Variants in STK32A observed in about 807,000 individuals in gnomAD.
The protein encoded by STK32A is serine/threonine-protein kinase 32A.
In STK32A, 41 loss-of-function variants were observed where a neutral mutation model predicts 53.2. That is an observed-to-expected ratio of 0.77 (90% CI 0.60 to 1.00). The LOEUF (loss-of-function observed/expected upper bound fraction) is 1.00, where lower values mean the gene tolerates loss of function less well. Ranked by LOEUF, STK32A falls within the 50% of genes least tolerant of loss-of-function variation. STK32A has a pLI of 0.00. For missense variants in STK32A, 458 were observed against 485.8 expected (o/e 0.94, Z 0.54); for synonymous variants, 166 against 162.8 (o/e 1.02, Z -0.15).
chr5:147,346,346 T>C (rs538229277), intron 6 of STK32A, among the ~76,000 whole-genome samples: 3 of 152,340 alleles, frequency 2.0e-5, no homozygotes, highest in Non-Finnish European at 4.4e-5. Context: ...GGTAACCACC[T>C]ATCTCTCTGG....
At chr5:147,351,911 G>T (rs1007880496) in intron 7 of STK32A, among the ~76,000 whole-genome samples, 1 of 152,020 alleles carries the variant, frequency 6.6e-6, no homozygotes, top group African/African-American at 2.4e-5. Context: ...GATAATAAGT[G>T]GCAAAGTATT....
chr5:147,329,745 G>A (rs1369087749), intron 5 of STK32A, among the ~76,000 whole-genome samples: 1 of 152,164 alleles, frequency 6.6e-6, no homozygotes, highest in African/African-American at 2.4e-5. Flanking sequence ...ATAAAAAGCT[G>A]TCTCCCCTCT....
At chr5:147,390,426 A>C (rs1047233135), downstream of STK32A, among the ~76,000 whole-genome samples, 11 of 151,868 alleles carry the variant, frequency 7.2e-5, no homozygotes, top group Non-Finnish European at 5.9e-5. Context: ...TATTAAAAAG[A>C]AGCAGAAAAT....
At chr5:147,301,351 T>C (rs1236369016) in intron 4 of STK32A, among the ~76,000 whole-genome samples, 1 of 152,090 alleles carries the variant, frequency 6.6e-6, no homozygotes, top group Non-Finnish European at 1.5e-5. Context: ...CTTTTCAGGG[T>C]TATTCCTGTG....
intron 4 of STK32A, among the ~76,000 whole-genome samples, chr5:147,297,888 G>T (rs201445656): frequency 6.6e-6 from 1 of 150,952 alleles, no homozygotes; most frequent in East Asian, 2.0e-4. Context: ...GCTTAGGCAG[G>T]AGAATTGCTT....
chr5:147,356,093 A>C (rs1285864186), intron 7 of STK32A, among the ~76,000 whole-genome samples: 1 of 152,178 alleles, frequency 6.6e-6, no homozygotes, highest in Non-Finnish European at 1.5e-5. Flanking sequence ...ACTATTGTTT[A>C]GATTTTACAA....
the STK32A span, among the ~76,000 whole-genome samples, chr5:147,394,477 A>G: frequency 6.6e-6 from 1 of 152,152 alleles, no homozygotes; most frequent in African/African-American, 2.4e-5. Flanking sequence ...CCATGGTTTG[A>G]GAGAGGTGCC....
chr5:147,393,777 A>C, the STK32A span: 1 of 488,838 alleles, frequency 2.0e-6, no homozygotes, highest in Non-Finnish European at 3.7e-6. Context: ...CTTTTACCTT[A>C]GTGGCCTGTC....
At chr5:147,283,506 A>T (rs1244781654) in intron 4 of STK32A, among the ~76,000 whole-genome samples, 1 of 151,830 alleles carries the variant, frequency 6.6e-6, no homozygotes, top group Non-Finnish European at 1.5e-5. Flanking sequence ...AAACAAAAAG[A>T]TGGTTCTTTG....
chr5:147,348,470 G>A (rs1355617554), intron 6 of STK32A, among the ~76,000 whole-genome samples: 1 of 152,202 alleles, frequency 6.6e-6, no homozygotes, highest in Admixed American at 6.5e-5. Flanking sequence ...CGGGGCGTAA[G>A]AATCTGCATA....
At chr5:147,321,001 G>A (rs1754286822) in intron 4 of STK32A, among the ~76,000 whole-genome samples, 1 of 152,240 alleles carries the variant, frequency 6.6e-6, no homozygotes, top group Admixed American at 6.5e-5. Flanking sequence ...AGAGGTCCAA[G>A]ATTACGCAGA....
intron 11 of STK32A, chr5:147,376,065 A>G (rs1757219888): frequency 6.6e-6 from 1 of 152,056 alleles, no homozygotes; most frequent in Non-Finnish European, 1.5e-5. Context: ...TTGAGATATA[A>G]TTTCTATACT....
intron 2 of STK32A, among the ~76,000 whole-genome samples, chr5:147,252,673 C>A (rs1234192775): frequency 1.3e-5 from 2 of 152,192 alleles, no homozygotes; most frequent in African/African-American, 4.8e-5. Context: ...AATTACCCAT[C>A]ATGCCTCAGC....
chr5:147,314,507 CAA>C (rs1299138229), intron 4 of STK32A, among the ~76,000 whole-genome samples: 2 of 12,790 alleles, frequency 1.6e-4, no homozygotes, highest in African/African-American at 2.8e-4. Flanking sequence ...TCAAAAAAAA[CAA>C]AAAAAAACAA....
At chr5:147,351,745 GC>G (rs1008601174) in intron 7 of STK32A, among the ~76,000 whole-genome samples, 11 of 152,240 alleles carry the variant, frequency 7.2e-5, no homozygotes, top group African/African-American at 2.6e-4. Flanking sequence ...TACTCGGGGG[GC>G]TGAGGCAGGA....
chr5:147,310,788 G>A (rs1036322495), intron 4 of STK32A, among the ~76,000 whole-genome samples: 3 of 151,896 alleles, frequency 2.0e-5, no homozygotes, highest in Admixed American at 6.6e-5. Flanking sequence ...GCAAAATGTT[G>A]TTATTCCCCT....
At chr5:147,327,833 A>C (rs145837882) in intron 5 of STK32A, among the ~76,000 whole-genome samples, 1 of 152,238 alleles carries the variant, frequency 6.6e-6, no homozygotes, top group Non-Finnish European at 1.5e-5. Context: ...GATGCTCAGC[A>C]TGGCTGCAGC....
At chr5:147,361,910 A>G (rs992597637) in intron 8 of STK32A, among the ~76,000 whole-genome samples, 1 of 152,230 alleles carries the variant, frequency 6.6e-6, no homozygotes, top group Non-Finnish European at 1.5e-5. Context: ...TCTTGTGTAA[A>G]TATCTGTGTT....
At chr5:147,361,119 G>A (rs189602715) in intron 7 of STK32A, among the ~76,000 whole-genome samples, 2 of 152,258 alleles carry the variant, frequency 1.3e-5, no homozygotes, top group South Asian at 2.1e-4. Flanking sequence ...AATTCTGCAC[G>A]TTGTCTGCGA....
Sources: gnomAD v4.1 joint callset for allele counts (sites outside exome capture counted in the v4.1 genomes callset) on GRCh38, gnomAD v4.1.1 for gene constraint, MANE v1.5 for transcripts, NCBI Gene and HGNC (gene_info 2026-07-23, HGNC 2026-07-21) for gene names.